The following APP variants were observed in gnomAD, a reference collection of about 807,000 sequenced individuals.
The protein encoded by APP is amyloid-beta precursor protein.
Under a neutral mutation model 101.4 loss-of-function variants are expected in APP, and 31 were observed. The ratio of observed to expected loss-of-function variants is 0.31; its 90% CI spans 0.23 to 0.41. APP has a LOEUF of 0.41. Among genes scored for constraint, APP ranks in the 10% least tolerant of loss-of-function variants. The pLI is 1.00. For missense variants in APP, 839 were observed against 1,003.7 expected (o/e 0.84, Z 2.22); for synonymous variants, 366 against 364.4 (o/e 1.00, Z -0.05).
chr21:26,051,567 A>G (rs1347843469), intron 4 of APP, among the ~76,000 whole-genome samples: 1 of 152,182 alleles, frequency 6.6e-6, no homozygotes, highest in Non-Finnish European at 1.5e-5. Context: ...CATTCCAGGT[A>G]GATCCCCAGC....
chr21:26,043,832 C>CT (rs11371098), intron 5 of APP, among the ~76,000 whole-genome samples: 152,259 of 152,266 alleles, frequency 1, 76,126 homozygotes, highest in Middle Eastern at 1. Context: ...TACTTGTGGG[C>CT]TGATATTCTC....
intron 13 of APP, among the ~76,000 whole-genome samples, chr21:25,952,211 CACACACACACACACAT>C (rs1177009951): frequency 6.6e-6 from 1 of 151,768 alleles, no homozygotes; most frequent in African/African-American, 2.4e-5. Flanking sequence ...CACACACACA[CACACACACACACACAT>C]TAAGAGCACA....
intron 13 of APP, among the ~76,000 whole-genome samples, chr21:25,921,468 T>C (rs1601409632): frequency 6.8e-6 from 1 of 147,218 alleles, no homozygotes; most frequent in South Asian, 2.2e-4. Context: ...ATCAACAAAA[T>C]TGATAGACCG....
chr21:25,885,149 T>G (rs945631954), intron 17 of APP, among the ~76,000 whole-genome samples: 1 of 152,242 alleles, frequency 6.6e-6, no homozygotes, highest in Non-Finnish European at 1.5e-5. Context: ...CAAAAGGGCA[T>G]CCAAGGAGTA....
chr21:25,955,547 C>A, intron 12 of APP, 80 bp downstream of exon 12: 2 of 1,602,322 alleles, frequency 1.2e-6, no homozygotes, highest in Non-Finnish European at 1.7e-6. Flanking sequence ...TCGGAGAATG[C>A]GTGGGATCCT....
intron 8 of APP, among the ~76,000 whole-genome samples, chr21:25,984,956 C>A (rs1358621931): frequency 6.6e-6 from 1 of 152,124 alleles, no homozygotes. Context: ...AAACTGGAAT[C>A]ATAAAACTTA....
At chr21:26,108,567 T>C (rs2062236916) in intron 2 of APP, among the ~76,000 whole-genome samples, 1 of 151,584 alleles carries the variant, frequency 6.6e-6, no homozygotes, top group East Asian at 2.0e-4. Flanking sequence ...TAAATGCAAA[T>C]CTACAATCAC....
At chr21:26,075,891 T>C (rs1340707909) in intron 3 of APP, among the ~76,000 whole-genome samples, 1 of 152,108 alleles carries the variant, frequency 6.6e-6, no homozygotes, top group Non-Finnish European at 1.5e-5. Context: ...TATTTATTTA[T>C]TTATTGTTTA....
chr21:26,167,776 T>C (rs578003791), intron 1 of APP, among the ~76,000 whole-genome samples: 14 of 152,350 alleles, frequency 9.2e-5, no homozygotes, highest in African/African-American at 3.4e-4. Flanking sequence ...TTATTCCATC[T>C]AGTAACTTCT....
chr21:25,889,455 C>T (rs962080857), intron 17 of APP, among the ~76,000 whole-genome samples: 1 of 152,146 alleles, frequency 6.6e-6, no homozygotes, highest in Non-Finnish European at 1.5e-5. Flanking sequence ...TATGGAAGCC[C>T]GAGGAAGCCA....
intron 8 of APP, among the ~76,000 whole-genome samples, chr21:25,996,413 C>T (rs1433424624): frequency 0.013 from 2 of 150 alleles, no homozygotes; most frequent in Non-Finnish European, 0.023. Context: ...ACTACAATAC[C>T]ATGAATATTA....
intron 11 of APP, among the ~76,000 whole-genome samples, chr21:25,969,953 G>GGGAA (rs2041964458): frequency 2.3e-5 from 1 of 43,456 alleles, no homozygotes; most frequent in African/African-American, 1.2e-4. Flanking sequence ...AAGGGAAGAA[G>GGGAA]GAAGGAGGGA....
intron 3 of APP, among the ~76,000 whole-genome samples, chr21:26,070,924 A>G (rs956052145): frequency 3.3e-5 from 5 of 152,140 alleles, no homozygotes; most frequent in African/African-American, 1.2e-4. Flanking sequence ...TACAACTTCA[A>G]TCATAGATGT....
chr21:26,054,262 T>TGCCACGTAGTAC (rs952937455), intron 3 of APP, among the ~76,000 whole-genome samples: 1 of 152,166 alleles, frequency 6.6e-6, no homozygotes, highest in East Asian at 1.9e-4. Context: ...AGAAGTAGTA[T>TGCCACGTAGTAC]GCCACATGGG....
chr21:26,062,230 A>AACACACACACAC (rs55971567), intron 3 of APP, among the ~76,000 whole-genome samples: 13 of 145,028 alleles, frequency 9.0e-5, no homozygotes, highest in Admixed American at 3.4e-4. Flanking sequence ...CAAACAAACA[A>AACACACACACAC]ACACACACAC....
intron 17 of APP, among the ~76,000 whole-genome samples, chr21:25,885,184 C>T (rs140267066): frequency 1.3e-5 from 2 of 152,280 alleles, no homozygotes; most frequent in African/African-American, 2.4e-5. Context: ...AATCTCCAGC[C>T]CCTTGAAAGC....
chr21:26,127,937 T>C (rs985344878), intron 1 of APP, among the ~76,000 whole-genome samples: 1 of 152,186 alleles, frequency 6.6e-6, no homozygotes, highest in Non-Finnish European at 1.5e-5. Context: ...AACTGATGAA[T>C]ACACAGCATT....
At chr21:25,899,365 C>T (rs908743140) in intron 15 of APP, among the ~76,000 whole-genome samples, 18 of 152,180 alleles carry the variant, frequency 1.2e-4, no homozygotes, top group Admixed American at 1.2e-3. Flanking sequence ...TGATTCCCTT[C>T]CTTCGAATGT....
intron 1 of APP, among the ~76,000 whole-genome samples, chr21:26,140,736 G>A (rs568391426): frequency 2.0e-5 from 3 of 152,306 alleles, no homozygotes; most frequent in South Asian, 2.1e-4. Flanking sequence ...AACAAAAGCT[G>A]TCTACATTAT....
Sources: allele counts gnomAD v4.1 joint callset (sites outside exome capture counted in the v4.1 genomes callset), GRCh38; gene constraint gnomAD v4.1.1; transcripts MANE v1.5; gene names NCBI Gene and HGNC (gene_info 2026-07-23, HGNC 2026-07-21).